The following TRAK1 variants were observed in gnomAD, a reference collection of about 807,000 sequenced individuals.
TRAK1 encodes trafficking kinesin protein 1.
In TRAK1, 33 loss-of-function variants were observed where a neutral mutation model predicts 92.1. The observed-to-expected ratio is 0.36, with a 90% CI of 0.27 to 0.48. The LOEUF (loss-of-function observed/expected upper bound fraction) is 0.48, where lower values mean the gene tolerates loss of function less well. TRAK1 is among the 20% of genes least tolerant of loss of function. The pLI, the probability that TRAK1 is intolerant of heterozygous loss-of-function variation, is 0.99. For missense variants in TRAK1, 1,123 were observed against 1,257.9 expected (o/e 0.89, Z 1.62); for synonymous variants, 521 against 517.3 (o/e 1.01, Z -0.10).
rs1290756338 is a variant in TRAK1, at chr3:42,091,805, G to A, written c.91+245G>A. 6.6e-5 allele frequency among the ~76,000 whole-genome samples: 10 copies of A among 151,968 alleles called. 1 individual carries two copies. The highest frequency in any genetic ancestry group is 5.2e-4 in the Admixed American group (8 of 15,260). ...CAGGTCCCCTTGTCCCCTTGCCCAG[G>A]CTCAGTAGGTGCAAGTGACACTTGC... On this transcript the variant is annotated intron_variant, in intron 1 of 15. Coordinates refer to ENST00000327628, the MANE Select transcript of TRAK1 (RefSeq NM_001042646.3).
chr3:42,014,288 C>T (rs945830662), intron 1 of TRAK1, among the ~76,000 whole-genome samples: 3 of 152,208 alleles, frequency 2.0e-5, no homozygotes, highest in African/African-American at 7.2e-5. Flanking sequence ...TGCAGGAGGC[C>T]CTCGGAGCCC....
intron 1 of TRAK1, among the ~76,000 whole-genome samples, chr3:42,064,951 G>T (rs72867953): frequency 6.6e-6 from 1 of 152,038 alleles, no homozygotes; most frequent in Admixed American, 6.6e-5. Flanking sequence ...TACGCAGGAG[G>T]TTCAGGCAGG....
chr3:42,123,658 C>G (rs1350578090), intron 1 of TRAK1, among the ~76,000 whole-genome samples: 2 of 152,206 alleles, frequency 1.3e-5, no homozygotes, highest in Non-Finnish European at 2.9e-5. Flanking sequence ...TCCTCAGCAT[C>G]TCCTCTTTAT....
At chr3:42,096,848 G>A (rs2148994515) in intron 1 of TRAK1, among the ~76,000 whole-genome samples, 1 of 152,340 alleles carries the variant, frequency 6.6e-6, no homozygotes, top group East Asian at 1.9e-4. Context: ...GGTGCCTCAA[G>A]CACCATTCCT....
At chr3:42,131,107 T>C (rs921517040) in intron 2 of TRAK1, among the ~76,000 whole-genome samples, 1 of 151,638 alleles carries the variant, frequency 6.6e-6, no homozygotes, top group African/African-American at 2.4e-5. Context: ...CCCAGGAGAG[T>C]GGGAATTTGC....
intron 10 of TRAK1, among the ~76,000 whole-genome samples, chr3:42,195,470 C>T (rs549485378): frequency 1.3e-5 from 2 of 152,160 alleles, no homozygotes; most frequent in Non-Finnish European, 2.9e-5. Context: ...GAGAGAAACT[C>T]CCCCAAGTGA....
intron 2 of TRAK1, among the ~76,000 whole-genome samples, chr3:42,161,480 G>A (rs540560102): frequency 2.6e-5 from 4 of 151,860 alleles, no homozygotes; most frequent in East Asian, 3.9e-4. Flanking sequence ...GGGCTCAAGC[G>A]ATCCTCCCAC....
intron 1 of TRAK1, among the ~76,000 whole-genome samples, chr3:42,032,387 A>C (rs1702176673): frequency 1.3e-5 from 2 of 151,306 alleles, no homozygotes; most frequent in African/African-American, 4.9e-5. Flanking sequence ...GAGGCTGCCC[A>C]TTGTCCCATG....
intron 1 of TRAK1, among the ~76,000 whole-genome samples, chr3:42,050,141 C>G (rs575566324): frequency 6.8e-6 from 1 of 147,950 alleles, no homozygotes; most frequent in East Asian, 2.0e-4. Context: ...CCCTGCTTGG[C>G]TGATGATGCT....
chr3:42,054,557 GC>G (rs1490076726), intron 1 of TRAK1, among the ~76,000 whole-genome samples: 1 of 152,144 alleles, frequency 6.6e-6, no homozygotes, highest in East Asian at 1.9e-4. Flanking sequence ...TTTCTACCTA[GC>G]CTGGTGCCTG....
upstream of TRAK1, among the ~76,000 whole-genome samples, chr3:42,089,392 T>G (rs768707887): frequency 2.0e-5 from 3 of 151,992 alleles, no homozygotes; most frequent in Non-Finnish European, 4.4e-5. Flanking sequence ...ACCATGAGAG[T>G]TGGCTTTTAA....
chr3:42,033,291 A>G (rs1193964302), intron 1 of TRAK1, among the ~76,000 whole-genome samples: 1 of 152,184 alleles, frequency 6.6e-6, no homozygotes, highest in Non-Finnish European at 1.5e-5. Flanking sequence ...AATGCAATCT[A>G]TGCTGTCGTT....
chr3:42,039,783 A>G lies in TRAK1; in HGVS notation c.-519+25666A>G, dbSNP rs576117376. On this transcript the variant is annotated intron_variant, in intron 1 of 16. Transcript: ENST00000487159. ...TATATCTAGGACAAAATTGTTGGTC[A>G]TAGAGGGACTGCCAGACTGTTTTCC... is the stretch of plus-strand genomic sequence containing the variant. Among the ~76,000 whole-genome samples, 380 of 152,346 alleles carry G rather than the reference A, an allele frequency of 2.5e-3. 4 individuals are homozygous for G. The highest frequency in any genetic ancestry group is 1.9e-3 in the Non-Finnish European group (128 of 68,032).
At chr3:42,136,034 C>T (rs931133143) in intron 2 of TRAK1, among the ~76,000 whole-genome samples, 3 of 152,180 alleles carry the variant, frequency 2.0e-5, no homozygotes, top group African/African-American at 7.2e-5. Context: ...CCCTGTTCTC[C>T]TAAATCCATC....
At chr3:42,018,236 C>G (rs530633664) in intron 1 of TRAK1, among the ~76,000 whole-genome samples, 76 of 150,474 alleles carry the variant, frequency 5.1e-4, no homozygotes, top group South Asian at 1.1e-3. Flanking sequence ...CCATTGTACT[C>G]TAGCCTAGGT....
intron 1 of TRAK1, among the ~76,000 whole-genome samples, chr3:42,037,926 G>A (rs1484888478): frequency 2.0e-5 from 3 of 152,222 alleles, no homozygotes; most frequent in Non-Finnish European, 1.5e-5. Context: ...GAGGTCAGGT[G>A]GCTGGGTGAG....
At chr3:42,013,712 C>A (rs1701397867), upstream of TRAK1, 1 of 147,416 alleles carries the variant, frequency 6.8e-6, no homozygotes, top group African/African-American at 2.5e-5. This position sits in a 1 kb window ranked among gnomAD's most constrained non-coding sequence, Gnocchi z 5.1. Flanking sequence ...CGCAGCAGCG[C>A]CCCCGCCCGC....
At chr3:42,185,385 A>G (rs149240606) in intron 4 of TRAK1, among the ~76,000 whole-genome samples, 45 of 152,344 alleles carry the variant, frequency 3.0e-4, no homozygotes, top group African/African-American at 9.4e-4. Flanking sequence ...TATTTCCATG[A>G]TATAAATCTT....
At chr3:42,032,423 C>T (rs2148893258) in intron 1 of TRAK1, among the ~76,000 whole-genome samples, 1 of 149,726 alleles carries the variant, frequency 6.7e-6, no homozygotes, top group African/African-American at 2.5e-5. Context: ...CGTGTCTTGC[C>T]AAGTACTGTG....
Sources: allele counts gnomAD v4.1 joint callset (sites outside exome capture counted in the v4.1 genomes callset), GRCh38; gene constraint gnomAD v4.1.1; non-coding constraint Gnocchi (gnomAD v3.1); transcripts MANE v1.5; gene names NCBI Gene and HGNC (gene_info 2026-07-23, HGNC 2026-07-21).